Variants in RAB27B observed in about 807,000 individuals in gnomAD.
RAB27B encodes the protein RAB27B, member RAS oncogene family.
A neutral mutation model predicts 24.6 loss-of-function variants in RAB27B; 15 were observed. The ratio of observed to expected loss-of-function variants is 0.61; its 90% CI spans 0.41 to 0.94. The LOEUF is 0.94. Among genes scored for constraint, RAB27B ranks in the 40% least tolerant of loss-of-function variants. RAB27B has a pLI of 0.00. For missense variants in RAB27B, 261 were observed against 266.8 expected (o/e 0.98, Z 0.15); for synonymous variants, 105 against 92.5 (o/e 1.14, Z -0.78).
intron 1 of RAB27B, among the ~76,000 whole-genome samples, chr18:54,850,627 A>G (rs991561218): frequency 2.6e-5 from 4 of 151,046 alleles, no homozygotes; most frequent in African/African-American, 9.7e-5. Context: ...TGGCCTCCCA[A>G]AGTGTTGGGA....
chr18:54,889,155 C>A, intron 5 of RAB27B, 69 bp from the exon 6 acceptor site: 1 of 1,424,524 alleles, frequency 7.0e-7, no homozygotes, highest in South Asian at 1.5e-5. Flanking sequence ...GTGTGATTCA[C>A]TTGTACATCT....
Position 54,734,062 on chromosome 18 carries a change from G to T in RAB27B, c.-20+15921G>T, listed in dbSNP as rs533041459. Among the ~76,000 whole-genome samples the T allele has an allele frequency of 2.0e-5, 3 of 152,222 alleles. No individual in the cohort carries two copies. The East Asian group carries it at 5.8e-4, about 29-fold the overall frequency. On this transcript the variant is annotated intron_variant, in intron 2 of 4. Transcript: ENST00000586570. ...AGATAGCTTAAGAAGAAAGATAGTG[G>T]TTCCCTATATACTTACTAAAAGCAG...
At chr18:54,722,811 T>C (rs1909402588) in intron 2 of RAB27B, among the ~76,000 whole-genome samples, 1 of 152,230 alleles carries the variant, frequency 6.6e-6, no homozygotes, top group Non-Finnish European at 1.5e-5. Flanking sequence ...AGTATTTTCC[T>C]TCTATTGTTC....
rs765757735 is a variant in RAB27B at position 54,891,943 on chromosome 18, G to A, written c.*2530G>A. 1 of 151,974 alleles carries A rather than the reference G, an allele frequency of 6.6e-6. No homozygotes were observed. Among genetic ancestry groups the A allele is most frequent in the Non-Finnish European group, 1.5e-5 (1 of 67,952 alleles). The allele number at this position is 151,974 out of a possible 1,614,324, so 9.4% of individuals were successfully genotyped here. ...TGATATAAAAAATTTTCTCCATAAA[G>A]TTTGACATCTGACCCCAGATTCTAT... On this transcript the variant is annotated 3_prime_UTR_variant, in exon 6 of 6. Transcript: ENST00000262094.
intron 1 of RAB27B, among the ~76,000 whole-genome samples, chr18:54,850,359 T>TATATATATATATATATATACAC (rs1491518141): frequency 2.2e-4 from 28 of 126,870 alleles, no homozygotes; most frequent in African/African-American, 8.4e-4. Flanking sequence ...TATATATATA[T>TATATATATATATATATATACAC]ACATACATAC....
intron 2 of RAB27B, among the ~76,000 whole-genome samples, chr18:54,786,012 C>G (rs539577952): frequency 3.9e-5 from 6 of 152,208 alleles, no homozygotes; most frequent in African/African-American, 1.2e-4. Flanking sequence ...CATTCTCTTT[C>G]CATGCTTTTA....
chr18:54,869,673 A>G (rs747652882), intron 1 of RAB27B, among the ~76,000 whole-genome samples: 2 of 152,210 alleles, frequency 1.3e-5, no homozygotes, highest in Non-Finnish European at 2.9e-5. Context: ...AGGATTAATA[A>G]CCTAGGTTAT....
At chr18:54,737,560 G>A (rs780194850) in intron 2 of RAB27B, among the ~76,000 whole-genome samples, 11 of 152,086 alleles carry the variant, frequency 7.2e-5, no homozygotes, top group South Asian at 2.1e-4. Flanking sequence ...TTAGAAATAC[G>A]TGTTGCTGGG....
chr18:54,878,643 A>G (rs1353063578), intron 2 of RAB27B, among the ~76,000 whole-genome samples: 5 of 152,122 alleles, frequency 3.3e-5, no homozygotes, highest in Non-Finnish European at 7.4e-5. Context: ...GTATCTGGGT[A>G]TATGTCCTGG....
chr18:54,786,000 C>T (rs1157763069), intron 2 of RAB27B, among the ~76,000 whole-genome samples: 1 of 152,132 alleles, frequency 6.6e-6, no homozygotes, highest in East Asian at 1.9e-4. Flanking sequence ...TTTCCAAAAC[C>T]ACATTCTCTT....
intron 4 of RAB27B, 129 bp from the exon 5 acceptor site, chr18:54,887,866 T>C: frequency 9.6e-7 from 1 of 1,039,978 alleles, no homozygotes; most frequent in South Asian, 1.7e-5. Flanking sequence ...AGGAAGTAAC[T>C]TGGCCAATAT....
intron 1 of RAB27B, among the ~76,000 whole-genome samples, chr18:54,844,483 C>G (rs1911248800): frequency 1.4e-5 from 2 of 146,438 alleles, no homozygotes; most frequent in African/African-American, 5.1e-5. Flanking sequence ...CGTCTCACTG[C>G]AAAAACTCCA....
At chr18:54,864,417 G>T (rs1003865623) in intron 1 of RAB27B, among the ~76,000 whole-genome samples, 3 of 151,966 alleles carry the variant, frequency 2.0e-5, no homozygotes, top group Non-Finnish European at 4.4e-5. Flanking sequence ...TCAGATATAT[G>T]ATTTGCAGGT....
At chr18:54,726,835 T>C (rs910480460) in intron 2 of RAB27B, among the ~76,000 whole-genome samples, 1 of 144,154 alleles carries the variant, frequency 6.9e-6, no homozygotes, top group African/African-American at 2.5e-5. Context: ...AATATATCTA[T>C]TTCGTAAACA....
intron 2 of RAB27B, among the ~76,000 whole-genome samples, chr18:54,762,133 T>G (rs1355663280): frequency 6.6e-6 from 1 of 152,154 alleles, no homozygotes; most frequent in African/African-American, 2.4e-5. Context: ...CCTATGAACC[T>G]CCTCAAGAAT....
intron 2 of RAB27B, among the ~76,000 whole-genome samples, chr18:54,752,339 A>C (rs922566969): frequency 6.6e-6 from 1 of 152,134 alleles, no homozygotes; most frequent in Non-Finnish European, 1.5e-5. Context: ...CCGATGAAAC[A>C]ATCCATGCTC....
At chr18:54,804,885 T>G (rs1418496647) in intron 2 of RAB27B, among the ~76,000 whole-genome samples, 3 of 34,206 alleles carry the variant, frequency 8.8e-5, no homozygotes, top group Non-Finnish European at 2.3e-4. Flanking sequence ...TTTTTCTTTC[T>G]TTCTTTCTCT....
intron 2 of RAB27B, among the ~76,000 whole-genome samples, chr18:54,816,586 G>A (rs1199943181): frequency 6.6e-6 from 1 of 152,114 alleles, no homozygotes; most frequent in Non-Finnish European, 1.5e-5. Context: ...TATCTTGACA[G>A]TGATAGTCTC....
chr18:54,792,294 C>A (rs1909273968), intron 2 of RAB27B, among the ~76,000 whole-genome samples: 1 of 152,162 alleles, frequency 6.6e-6, no homozygotes, highest in Admixed American at 6.5e-5. Flanking sequence ...ACACCCCCAT[C>A]GCATGCCCTT....
Sources: allele counts gnomAD v4.1 joint callset (sites outside exome capture counted in the v4.1 genomes callset), GRCh38; gene constraint gnomAD v4.1.1; transcripts MANE v1.5; gene names NCBI Gene and HGNC (gene_info 2026-07-23, HGNC 2026-07-21).